AMD1: variants seen among roughly 807,000 people sequenced by gnomAD.
AMD1 encodes adenosylmethionine decarboxylase 1.
Under a neutral mutation model 40.2 loss-of-function variants are expected in AMD1, and 11 were observed. That is an observed-to-expected ratio of 0.27 (90% CI 0.17 to 0.45). AMD1 has a LOEUF of 0.45. Ranked by LOEUF, AMD1 falls within the 20% of genes least tolerant of loss-of-function variation. AMD1 has a pLI of 1.00. For missense variants in AMD1, 257 were observed against 410.2 expected, an observed-to-expected ratio of 0.63 and a Z score of 3.23; for synonymous variants, 121 against 130.8, an observed-to-expected ratio of 0.93 and a Z score of 0.51.
intron 3 of AMD1, chr6:110,889,991 C>T (rs1785920463): frequency 2.9e-6 from 1 of 346,064 alleles, no homozygotes; most frequent in African/African-American, 2.2e-5. Context: ...CCCATCATCA[C>T]TAGACTGGGC....
At chr6:110,839,773 A>G in the AMD1 span, among the ~76,000 whole-genome samples, 5 of 152,110 alleles carry the variant, frequency 3.3e-5, no homozygotes. Flanking sequence ...AGACAATTAT[A>G]ATTGGAGCTT....
Position 110,875,024 on chromosome 6 carries a change from C to A in AMD1, c.-82C>A. 1.8e-6 allele frequency: 2 copies of A among 1,089,494 alleles called. No homozygotes were observed. The highest frequency in any genetic ancestry group is 2.7e-6 in the Non-Finnish European group (2 of 731,540). 67.5% of individuals were successfully genotyped at this position (1,089,494 alleles called of 1,614,324 possible). On this transcript the variant is annotated 5_prime_UTR_variant, in exon 1 of 9. Coordinates refer to ENST00000368885, the MANE Select transcript of AMD1 (RefSeq NM_001634.6). The stretch of plus-strand genomic sequence containing the variant: ...TTAGTAACACAGCTGGAACAATCCG[C>A]AGCGGCGGCGGCAGCGGCGGGAGAA...
the AMD1 span, among the ~76,000 whole-genome samples, chr6:110,829,288 T>G: frequency 1.3e-5 from 2 of 151,886 alleles, no homozygotes; most frequent in African/African-American, 4.8e-5. Flanking sequence ...TCCCAACACT[T>G]TGGGAGGCTG....
At position 110,892,433 on chromosome 6, in the gene AMD1, A is replaced by T; in HGVS notation, c.605A>T (p.Asp202Val). The T allele has an allele frequency of 6.2e-7, 1 of 1,612,226 alleles. No individual in the cohort carries two copies. Among genetic ancestry groups the T allele is most frequent in the Non-Finnish European group, 8.5e-7 (1 of 1,180,010 alleles). The change falls in exon 6 of 9, where the codon GAT becomes GTT. Residue 202 changes from aspartate to valine, a missense_variant. Physicochemically the swap from Asp to Val is radical, Grantham distance 152 (BLOSUM62 -3). Coordinates refer to ENST00000368885, the MANE Select transcript of AMD1 (RefSeq NM_001634.6). Reference sequence around the variant, plus strand: ...ATGAAAGATGGTGTTACTGCAAAGGATGTCACTCGTGTAAGCATTTTTAGT... The same window carrying T: ...ATGAAAGATGGTGTTACTGCAAAGGTTGTCACTCGTGTAAGCATTTTTAGT... ...FYMKDGVTAK[D>V]VTRESGIRDL...
chr6:110,878,137 G>C (rs562124035), intron 1 of AMD1, among the ~76,000 whole-genome samples: 37 of 152,262 alleles, frequency 2.4e-4, no homozygotes, highest in South Asian at 2.3e-3. Context: ...TATAATTCAA[G>C]GGAGAAAATA....
At chr6:110,855,892 G>A in the AMD1 span, among the ~76,000 whole-genome samples, 1 of 151,958 alleles carries the variant, frequency 6.6e-6, no homozygotes, top group Non-Finnish European at 1.5e-5. Flanking sequence ...ACCAGCCCTG[G>A]CAACATAGCG....
chr6:110,814,850 A>G, the AMD1 span: 1 of 934,054 alleles, frequency 1.1e-6, no homozygotes, highest in African/African-American at 1.7e-5. Flanking sequence ...AGGCGGGCGG[A>G]ACGGGCGCCC....
At chr6:110,881,688 G>A (rs142707357) in intron 1 of AMD1, among the ~76,000 whole-genome samples, 3 of 152,110 alleles carry the variant, frequency 2.0e-5, no homozygotes, top group Admixed American at 6.5e-5. Context: ...TGACATGGTG[G>A]CAGATGCCTG....
Position 110,874,863 on chromosome 6 carries a change from C to G in AMD1, c.-243C>G, listed in dbSNP as rs1452820563. ...CGGGAAAGCAGCGGAATACAAGAGACTGAACTGTATCTGCCTCTATTTCCA... is the reference window on the plus strand; with the variant it reads ...CGGGAAAGCAGCGGAATACAAGAGAGTGAACTGTATCTGCCTCTATTTCCA... On this transcript the variant is annotated 5_prime_UTR_variant, in exon 1 of 9. Transcript: ENST00000368885. 2 of 490,296 alleles carry G rather than the reference C, an allele frequency of 4.1e-6. No homozygotes were observed. The highest frequency in any genetic ancestry group is 3.5e-5 in the Admixed American group (1 of 28,978). The allele number at this position is 490,296 out of a possible 1,614,324, so 30.4% of individuals were successfully genotyped here. A position where few individuals can be genotyped will look rare whatever the true frequency, so the allele number is the denominator to read the frequency against.
the AMD1 span, among the ~76,000 whole-genome samples, chr6:110,862,917 C>T: frequency 5.4e-4 from 81 of 150,270 alleles, no homozygotes; most frequent in African/African-American, 1.8e-3. Context: ...AAACCAAGTT[C>T]AGTTTTTTGT....
At chr6:110,855,089 T>TTTTTTTTTTTTTTTTTA in the AMD1 span, among the ~76,000 whole-genome samples, 2 of 146,896 alleles carry the variant, frequency 1.4e-5, no homozygotes, top group African/African-American at 5.0e-5. Context: ...TTTTTTTTTT[T>TTTTTTTTTTTTTTTTTA]GAGAGAATTG....
In AMD1 at chr6:110,893,657, T is replaced by A. The variant is rs761580615; in HGVS notation, c.*41T>A. 1.3e-6 allele frequency: 2 copies of A among 1,599,126 alleles called. No homozygotes were observed. On this transcript the variant is annotated 3_prime_UTR_variant, in exon 9 of 9. Coordinates refer to ENST00000368885, the MANE Select transcript of AMD1 (RefSeq NM_001634.6). ...AAAAAACGCAAAAAGAGAACACATG[T>A]AGAAGGTGGTGGATGCTTTCTAGAT...
the AMD1 span, among the ~76,000 whole-genome samples, chr6:110,860,546 C>A: frequency 6.6e-6 from 1 of 151,970 alleles, no homozygotes; most frequent in African/African-American, 2.4e-5. Flanking sequence ...TGCCTGTAAT[C>A]CCTGCACTTT....
chr6:110,867,852 A>G, the AMD1 span, among the ~76,000 whole-genome samples: 14 of 152,358 alleles, frequency 9.2e-5, no homozygotes, highest in Middle Eastern at 3.4e-3. Flanking sequence ...TTCTTTGTTT[A>G]CTGAATATTT....
At chr6:110,867,795 G>C in the AMD1 span, among the ~76,000 whole-genome samples, 1 of 152,286 alleles carries the variant, frequency 6.6e-6, no homozygotes, top group East Asian at 1.9e-4. Context: ...CTGAAATAAT[G>C]AAAGTGTTCA....
chr6:110,850,298 G>T, the AMD1 span, among the ~76,000 whole-genome samples: 1 of 152,176 alleles, frequency 6.6e-6, no homozygotes, highest in Non-Finnish European at 1.5e-5. Context: ...GTATTGGGAA[G>T]GAGGTAAACT....
chr6:110,818,951 T>C, the AMD1 span, among the ~76,000 whole-genome samples: 1 of 152,256 alleles, frequency 6.6e-6, no homozygotes, highest in Non-Finnish European at 1.5e-5. Flanking sequence ...ACTTTTGAGC[T>C]AAGGAGAACT....
At chr6:110,837,103 G>T in the AMD1 span, among the ~76,000 whole-genome samples, 2 of 144,112 alleles carry the variant, frequency 1.4e-5, no homozygotes, top group Non-Finnish European at 3.0e-5. Context: ...GCTGCAGTGA[G>T]CTGTGATACC....
chr6:110,833,113 G>GC, the AMD1 span, among the ~76,000 whole-genome samples: 3 of 152,164 alleles, frequency 2.0e-5, no homozygotes, highest in African/African-American at 7.2e-5. Context: ...GAGCCACCGT[G>GC]CCCGGCTGAT....
Sources: allele counts gnomAD v4.1 joint callset (sites outside exome capture counted in the v4.1 genomes callset), GRCh38; gene constraint gnomAD v4.1.1; transcripts MANE v1.5; gene names NCBI Gene and HGNC (gene_info 2026-07-23, HGNC 2026-07-21).